VWA3B: variants seen among roughly 807,000 people sequenced by gnomAD.
VWA3B encodes von Willebrand factor A domain-containing protein 3B.
In VWA3B, 138 loss-of-function variants were observed where a neutral mutation model predicts 158.3. The ratio of observed to expected loss-of-function variants is 0.87; its 90% CI spans 0.76 to 1.00. The LOEUF (loss-of-function observed/expected upper bound fraction) is 1.00, where lower values mean the gene tolerates loss of function less well. Ranked by LOEUF, VWA3B falls within the 50% of genes least tolerant of loss-of-function variation. The pLI, the probability that VWA3B is intolerant of heterozygous loss-of-function variation, is 0.00. For missense variants in VWA3B, 1,555 were observed against 1,565.1 expected, an observed-to-expected ratio of 0.99 and a Z score of 0.11; for synonymous variants, 596 against 587.3, an observed-to-expected ratio of 1.01 and a Z score of -0.21.
At chr2:98,209,964 G>A (rs796744483) in intron 12 of VWA3B, among the ~76,000 whole-genome samples, 29 of 152,222 alleles carry the variant, frequency 1.9e-4, no homozygotes, top group African/African-American at 6.0e-4. Context: ...GTGCTGCTGG[G>A]GCCCCTCAAT....
At chr2:98,262,722 G>C (rs979829969) in intron 21 of VWA3B, among the ~76,000 whole-genome samples, 24 of 151,676 alleles carry the variant, frequency 1.6e-4, no homozygotes, top group African/African-American at 5.6e-4. Flanking sequence ...GGAAGTATGA[G>C]GCCTCCAACT....
At chr2:98,227,872 C>G (rs1262495171) in intron 14 of VWA3B, among the ~76,000 whole-genome samples, 1 of 152,214 alleles carries the variant, frequency 6.6e-6, no homozygotes, top group African/African-American at 2.4e-5. Context: ...TCAAATGGTG[C>G]ATTTTACAGA....
intron 14 of VWA3B, among the ~76,000 whole-genome samples, chr2:98,221,721 T>A (rs977382373): frequency 3.3e-5 from 5 of 152,160 alleles, no homozygotes; most frequent in Non-Finnish European, 7.3e-5. Flanking sequence ...TGATCTCTCA[T>A]CCCTGAGTGG....
At chr2:98,146,466 G>T (rs1385757336) in intron 7 of VWA3B, among the ~76,000 whole-genome samples, 1 of 152,140 alleles carries the variant, frequency 6.6e-6, no homozygotes, top group Non-Finnish European at 1.5e-5. Context: ...AGTTTGTTCT[G>T]GGTGATGCTT....
chr2:98,174,789 T>C (rs546080218), intron 8 of VWA3B, among the ~76,000 whole-genome samples: 5 of 152,230 alleles, frequency 3.3e-5, no homozygotes, highest in Admixed American at 3.3e-4. Context: ...ACCCTGAGGC[T>C]CTGCACAAGC....
intron 2 of VWA3B, 147 bp downstream of exon 2, chr2:98,093,435 T>G: frequency 1.4e-6 from 1 of 694,280 alleles, no homozygotes; most frequent in Non-Finnish European, 2.4e-6. Context: ...CTTGCACGTG[T>G]GCCCCCAATA....
At chr2:98,135,539 T>G (rs1199624743) in intron 7 of VWA3B, among the ~76,000 whole-genome samples, 4 of 151,064 alleles carry the variant, frequency 2.6e-5, no homozygotes, top group East Asian at 1.9e-4. Context: ...GTTTCACCGT[T>G]TTAGCCGGGA....
chr2:98,195,906 A>G (rs1309584574), intron 12 of VWA3B, among the ~76,000 whole-genome samples: 1 of 152,244 alleles, frequency 6.6e-6, no homozygotes, highest in African/African-American at 2.4e-5. Context: ...AATGTGGCAT[A>G]TATACACAAT....
chr2:98,259,239 G>A (rs1028375277), intron 21 of VWA3B, among the ~76,000 whole-genome samples: 1 of 151,690 alleles, frequency 6.6e-6, no homozygotes, highest in African/African-American at 2.4e-5. Flanking sequence ...TGACATGTTT[G>A]TCTGGCCTTG....
intron 19 of VWA3B, among the ~76,000 whole-genome samples, chr2:98,240,537 ACTGT>A (rs2105756284): frequency 6.6e-6 from 1 of 152,286 alleles, no homozygotes; most frequent in East Asian, 1.9e-4. Flanking sequence ...CCCCAAATTC[ACTGT>A]ACATTTTCAC....
chr2:98,261,754 T>C (rs926475394), intron 21 of VWA3B, among the ~76,000 whole-genome samples: 4 of 151,776 alleles, frequency 2.6e-5, no homozygotes, highest in Non-Finnish European at 5.9e-5. Context: ...TAGTTGATGA[T>C]GTGAAATCAA....
At chr2:98,267,162 A>G (rs1347082986) in intron 21 of VWA3B, among the ~76,000 whole-genome samples, 2 of 151,632 alleles carry the variant, frequency 1.3e-5, no homozygotes, top group African/African-American at 4.8e-5. Context: ...TTGCCCATTC[A>G]GTATGATATT....
At chr2:98,105,889 A>G (rs1037364153) in intron 2 of VWA3B, among the ~76,000 whole-genome samples, 1 of 151,384 alleles carries the variant, frequency 6.6e-6, no homozygotes, top group Non-Finnish European at 1.5e-5. Context: ...CAGGTTCTCT[A>G]TTTTGTTTTT....
At chr2:98,157,585 T>C (rs914092187) in intron 7 of VWA3B, among the ~76,000 whole-genome samples, 2 of 152,236 alleles carry the variant, frequency 1.3e-5, no homozygotes, top group Non-Finnish European at 2.9e-5. Flanking sequence ...CACAGTGTAT[T>C]ATATTTTTTA....
At chr2:98,329,722 G>A in the VWA3B span, among the ~76,000 whole-genome samples, 1 of 152,208 alleles carries the variant, frequency 6.6e-6, no homozygotes, top group South Asian at 2.1e-4. Context: ...TCCATGGTCA[G>A]TTGACGTTAA....
At position 98,312,651 on chromosome 2, in the gene VWA3B, C is replaced by A. The variant is rs1217834339; in HGVS notation, c.*302C>A. Reference sequence around the variant, plus strand: ...CCAGAAGTTTTAACCTGAAGGATGACTGTCACAGGACTTTCAAATTGTTTA... The same window carrying A: ...CCAGAAGTTTTAACCTGAAGGATGAATGTCACAGGACTTTCAAATTGTTTA... On this transcript the variant is annotated 3_prime_UTR_variant, in exon 28 of 28. Coordinates refer to ENST00000477737, the MANE Select transcript of VWA3B (RefSeq NM_144992.5). 2 of 319,812 alleles carry A rather than the reference C, an allele frequency of 6.3e-6. No individual in the cohort carries two copies. The highest frequency in any genetic ancestry group is 1.1e-5 in the Non-Finnish European group (2 of 174,212). 19.8% of individuals were successfully genotyped at this position (319,812 alleles called of 1,614,324 possible). A position where few individuals can be genotyped will look rare whatever the true frequency, so the allele number is the denominator to read the frequency against.
intron 7 of VWA3B, among the ~76,000 whole-genome samples, chr2:98,149,864 C>A (rs1327648413): frequency 6.6e-6 from 1 of 152,174 alleles, no homozygotes; most frequent in Admixed American, 6.5e-5. Context: ...TTGGACTGCT[C>A]TAACCTAAAT....
chr2:98,299,380 G>A lies in VWA3B; in HGVS notation c.3283-699G>A, dbSNP rs980016410. On this transcript the variant is annotated intron_variant, in intron 24 of 27. Transcript: ENST00000477737. ...GCCATGTCTGGCTCATCCTCTTGCC[G>A]CGTTCCTAATTCCAGCTCCAAGGCC... 7.2e-5 allele frequency among the ~76,000 whole-genome samples: 11 copies of A among 152,160 alleles called. No individual in the cohort carries two copies. In the East Asian group the frequency reaches 7.7e-4, roughly 11 times the overall value.
At chr2:98,123,913 G>A (rs546193483) in intron 5 of VWA3B, among the ~76,000 whole-genome samples, 22 of 152,316 alleles carry the variant, frequency 1.4e-4, no homozygotes, top group Non-Finnish European at 1.9e-4. Context: ...CCAGGACAAG[G>A]CCACCTACCC....
Sources: allele counts gnomAD v4.1 joint callset (sites outside exome capture counted in the v4.1 genomes callset), GRCh38; gene constraint gnomAD v4.1.1; transcripts MANE v1.5; gene names NCBI Gene and HGNC (gene_info 2026-07-23, HGNC 2026-07-21).